Variants in RGL1 observed in about 807,000 individuals in gnomAD.
RGL1 encodes ral guanine nucleotide dissociation stimulator like 1.
In RGL1, 24 loss-of-function variants were observed where a neutral mutation model predicts 95.2. The ratio of observed to expected loss-of-function variants is 0.25; its 90% CI spans 0.18 to 0.35. The LOEUF is 0.35. Ranked by LOEUF, RGL1 falls within the 10% of genes least tolerant of loss-of-function variation. RGL1 has a pLI of 1.00. For missense variants in RGL1, 715 were observed against 936.3 expected, an observed-to-expected ratio of 0.76 and a Z score of 3.08; for synonymous variants, 329 against 344.9, an observed-to-expected ratio of 0.95 and a Z score of 0.51.
chr1:183,707,398 G>C lies in RGL1; in HGVS notation c.-32-34728G>C, dbSNP rs148660252. Among the ~76,000 whole-genome samples, 730 of 152,312 alleles carry C rather than the reference G, an allele frequency of 4.8e-3. 2 individuals are homozygous for C. Among genetic ancestry groups the C allele is most frequent in the Non-Finnish European group, 8.4e-3 (573 of 68,024 alleles). ...TTGTTAATTTGAGAGAGATCAGTGA[G>C]GGGGAAGGGAACATGAACTCTAACA... On this transcript the variant is annotated intron_variant, in intron 1 of 18. Coordinates refer to the RGL1 transcript ENST00000304685.
chr1:183,738,826 G>A (rs1218884333), intron 1 of RGL1, among the ~76,000 whole-genome samples: 1 of 151,832 alleles, frequency 6.6e-6, no homozygotes, highest in Non-Finnish European at 1.5e-5. Flanking sequence ...GCATGAACCC[G>A]GGAGGCAGAG....
intron 2 of RGL1, among the ~76,000 whole-genome samples, chr1:183,816,000 A>AGG (rs1482090410): frequency 6.6e-6 from 1 of 152,158 alleles, no homozygotes; most frequent in Non-Finnish European, 1.5e-5. Flanking sequence ...ACATGTCATT[A>AGG]ACATCCCTCT....
At chr1:183,706,670 G>A (rs1404156875) in intron 1 of RGL1, among the ~76,000 whole-genome samples, 1 of 150,998 alleles carries the variant, frequency 6.6e-6, no homozygotes, top group African/African-American at 2.4e-5. Flanking sequence ...ACAGGCACCA[G>A]GTGGAGGTGG....
At chr1:183,854,926 A>T (rs1665040833) in intron 3 of RGL1, among the ~76,000 whole-genome samples, 1 of 152,202 alleles carries the variant, frequency 6.6e-6, no homozygotes, top group South Asian at 2.1e-4. Flanking sequence ...TTAAGTGCTT[A>T]AGAGATTACT....
intron 12 of RGL1, among the ~76,000 whole-genome samples, chr1:183,903,249 T>C (rs1057487170): frequency 6.6e-6 from 1 of 152,122 alleles, no homozygotes; most frequent in Non-Finnish European, 1.5e-5. Context: ...GTGGGTATAC[T>C]CGAGAGAGGA....
intron 1 of RGL1, among the ~76,000 whole-genome samples, chr1:183,676,526 A>G (rs550097667): frequency 7.9e-5 from 12 of 152,032 alleles, no homozygotes; most frequent in African/African-American, 2.6e-4. Context: ...TCTAGTTTGT[A>G]TGAAAAATTG....
At chr1:183,792,551 A>G (rs1660487078) in intron 2 of RGL1, among the ~76,000 whole-genome samples, 1 of 152,146 alleles carries the variant, frequency 6.6e-6, no homozygotes, top group Admixed American at 6.5e-5. Flanking sequence ...TGCAGACAAC[A>G]TGATCTTATA....
intron 3 of RGL1, among the ~76,000 whole-genome samples, chr1:183,864,278 A>G (rs1665693193): frequency 1.3e-5 from 2 of 152,230 alleles, no homozygotes; most frequent in African/African-American, 4.8e-5. Context: ...TATTTCCACA[A>G]TAACTGGAGT....
At chr1:183,881,545 C>G (rs539578722) in intron 5 of RGL1, among the ~76,000 whole-genome samples, 1 of 152,330 alleles carries the variant, frequency 6.6e-6, no homozygotes, top group South Asian at 2.1e-4. Context: ...GTTGTATCCT[C>G]TCACTGGGGT....
intron 2 of RGL1, among the ~76,000 whole-genome samples, chr1:183,837,304 C>T (rs12057352): frequency 6.6e-6 from 1 of 152,148 alleles, no homozygotes; most frequent in Non-Finnish European, 1.5e-5. Context: ...AGCTCACTAC[C>T]CCCTGCTGAC....
At chr1:183,823,996 C>G (rs1328690176) in intron 2 of RGL1, among the ~76,000 whole-genome samples, 1 of 151,902 alleles carries the variant, frequency 6.6e-6, no homozygotes, top group Admixed American at 6.6e-5. Flanking sequence ...CTATGTTACC[C>G]AGGCTCATCT....
At chr1:183,863,729 G>A (rs1665658407) in intron 3 of RGL1, among the ~76,000 whole-genome samples, 1 of 152,178 alleles carries the variant, frequency 6.6e-6, no homozygotes, top group Admixed American at 6.5e-5. Context: ...AGAAGAGTTA[G>A]TATGTCTGCA....
intron 7 of RGL1, among the ~76,000 whole-genome samples, chr1:183,885,806 G>A (rs910681710): frequency 6.6e-6 from 1 of 152,152 alleles, no homozygotes. Context: ...GAGGAGTAGG[G>A]CCATGGGAGA....
chr1:183,884,584 G>T, intron 6 of RGL1, 139 bp from the exon 7 acceptor site: 1 of 672,314 alleles, frequency 1.5e-6, no homozygotes, highest in East Asian at 2.7e-5. Flanking sequence ...CTGTTGAAAT[G>T]GACACCATGA....
rs576247967 is a variant in RGL1 at position 183,675,393 on chromosome 1, C to T, written c.-33+38892C>T. ...CCTCCCTCCCTTCTTTCCTTCCTACCTACCAACCTACATTTTTTTTTCTCT... is the reference window on the plus strand; with the variant it reads ...CCTCCCTCCCTTCTTTCCTTCCTACTTACCAACCTACATTTTTTTTTCTCT... On this transcript the variant is annotated intron_variant, in intron 1 of 18. Transcript: ENST00000304685. 2.8e-5 allele frequency among the ~76,000 whole-genome samples: 4 copies of T among 141,868 alleles called. No individual in the cohort carries two copies. In the South Asian group the frequency reaches 1.0e-3, roughly 37 times the overall value. The allele number at this position is 141,868 out of a possible 152,430, so 93.1% of individuals were successfully genotyped here.
At chr1:183,728,384 A>T (rs906979823) in intron 1 of RGL1, among the ~76,000 whole-genome samples, 1 of 152,116 alleles carries the variant, frequency 6.6e-6, no homozygotes, top group Non-Finnish European at 1.5e-5. Context: ...ATATATAGCC[A>T]ATTTATATAC....
At chr1:183,709,827 G>T (rs964106185) in intron 1 of RGL1, 18 of 176,740 alleles carry the variant, frequency 1.0e-4, no homozygotes, top group Non-Finnish European at 1.6e-4. Context: ...CCTTCATCTA[G>T]TAGGGCCCTG....
intron 1 of RGL1, among the ~76,000 whole-genome samples, chr1:183,644,588 G>A (rs1650157798): frequency 6.6e-6 from 1 of 151,990 alleles, no homozygotes; most frequent in African/African-American, 2.4e-5. Context: ...ACCACGCCTG[G>A]CCGAATAATA....
intron 1 of RGL1, among the ~76,000 whole-genome samples, chr1:183,698,200 C>T (rs1315004236): frequency 1.3e-5 from 2 of 152,222 alleles, no homozygotes; most frequent in Admixed American, 6.5e-5. Flanking sequence ...TGACAGAGAA[C>T]CAATTTGTTA....
Sources: gnomAD v4.1 joint callset for allele counts (sites outside exome capture counted in the v4.1 genomes callset) on GRCh38, gnomAD v4.1.1 for gene constraint, MANE v1.5 for transcripts, NCBI Gene and HGNC (gene_info 2026-07-23, HGNC 2026-07-21) for gene names.